The following TTN variants were observed in gnomAD, a reference collection of about 807,000 sequenced individuals.
The protein encoded by TTN is titin.
In TTN, 1,525 loss-of-function variants were observed where a neutral mutation model predicts 3,223.0. That is an observed-to-expected ratio of 0.47 (90% CI 0.45 to 0.49). The LOEUF (loss-of-function observed/expected upper bound fraction) is 0.49. TTN is among the 20% of genes least tolerant of loss of function. The pLI is 0.00. For missense variants in TTN, 40,786 were observed against 43,424.0 expected (o/e 0.94, Z 5.40); for synonymous variants, 14,094 against 15,161.0 (o/e 0.93, Z 5.17).
Position 178,720,402 on chromosome 2 carries a change from C to A in TTN, c.23360G>T (p.Cys7787Phe), listed in dbSNP as rs1332033261. The change falls in exon 80 of 363, where the codon TGC becomes TTC. Residue 7787 changes from cysteine (C) to phenylalanine (F), a missense_variant. Cys to Phe is a radical substitution (Grantham distance 205, BLOSUM62 -2). Coordinates refer to ENST00000589042, the MANE Select transcript of TTN (RefSeq NM_001267550.2). ...ATACAAACCTTTGAACTTGACAGAG[C>A]AAGAACACGTGTCACTTCCCACCTC... is the stretch of plus-strand genomic sequence containing the variant. Reference protein sequence around the residue: ...TNEVGSDTCSCSVKFKEPPRF... With the variant: ...TNEVGSDTCSFSVKFKEPPRF... 1 of 1,612,474 alleles carries A rather than the reference C, an allele frequency of 6.2e-7. No individual in the cohort carries two copies. The highest frequency in any genetic ancestry group is 8.5e-7 in the Non-Finnish European group (1 of 1,179,068).
At chr2:178,750,758 T>C in intron 47 of TTN, 3 of 1,613,072 alleles carry the variant, frequency 1.9e-6, no homozygotes, top group Non-Finnish European at 2.5e-6. Context: ...ACCAAAAGAT[T>C]CGCTGGCATG....
rs1424075362 is a variant in TTN, at chr2:178,624,715, G to C, written c.44565C>G (p.Phe14855Leu). Residue 14855 changes from phenylalanine (F) to leucine (L), a missense_variant, in exon 242 of 363, where the codon TTC (phenylalanine) becomes TTG (leucine). By Grantham distance (22) the Phe-to-Leu change is conservative. Coordinates refer to ENST00000589042, the MANE Select transcript of TTN (RefSeq NM_001267550.2). ...CCGTCTGGTCCTCAAGAGGCTTAGT[G>C]AATTCAACTGGGGGTTCTGAAAGAA... ...NLFVKEPPVEFTKPLEDQTVE... is the reference protein window; with the variant it reads ...NLFVKEPPVELTKPLEDQTVE... 1 of 1,612,224 alleles carries C rather than the reference G, an allele frequency of 6.2e-7. No individual in the cohort carries two copies. The highest frequency in any genetic ancestry group is 8.5e-7 in the Non-Finnish European group (1 of 1,178,922).
chr2:178,628,122 C>T (rs1244433941), intron 240 of TTN, among the ~76,000 whole-genome samples: 1 of 152,046 alleles, frequency 6.6e-6, no homozygotes, highest in African/African-American at 2.4e-5. Flanking sequence ...ATCTGTATAA[C>T]AGGCAGGCGT....
chr2:178,785,755 GAA>G lies in TTN; in HGVS notation c.2371-15_2371-14del. 2 of 1,614,144 alleles carry G rather than the reference GAA, an allele frequency of 1.2e-6. No homozygotes were observed. The highest frequency in any genetic ancestry group is 1.7e-6 in the Non-Finnish European group (2 of 1,180,004). ...TAGTTTTCTTGATCTGCATTGAAATGAAACTCAGTGATACCATTGATCACCAG... is the reference window on the plus strand; with the variant it reads ...TAGTTTTCTTGATCTGCATTGAAATGACTCAGTGATACCATTGATCACCAG... On this transcript the variant is annotated splice_polypyrimidine_tract_variant and intron_variant, in intron 14 of 362. Coordinates refer to ENST00000589042, the MANE Select transcript of TTN (RefSeq NM_001267550.2).
intron 71 of TTN, 175 bp from the exon 72 acceptor site, chr2:178,724,713 T>A (rs939931371): frequency 5.1e-6 from 3 of 593,936 alleles, no homozygotes; most frequent in Admixed American, 4.2e-5. Context: ...AGCTATTTTT[T>A]ATTTTAATAT....
chr2:178,582,948 T>C lies in TTN; in HGVS notation c.65855A>G (p.Lys21952Arg). Residue 21952 changes from lysine (K) to arginine (R), a missense_variant, in exon 313 of 363, where the codon AAA (lysine) becomes AGA (arginine). Coordinates refer to ENST00000589042, the MANE Select transcript of TTN (RefSeq NM_001267550.2). Reference protein sequence around the residue: ...SGSKSATIKLKVLDKPGPPAS... With the variant: ...SGSKSATIKLRVLDKPGPPAS... ...TGAAGTTTATTAGTTACCTAACACT[T>C]TAAGCTTAATGGTGGCTGATTTAGA... is the stretch of plus-strand genomic sequence containing the variant. The C allele has an allele frequency of 6.6e-7, 1 of 1,523,778 alleles. No individual in the cohort carries two copies. Among genetic ancestry groups the C allele is most frequent in the Non-Finnish European group, 8.8e-7 (1 of 1,134,808 alleles). 94.4% of individuals were successfully genotyped at this position (1,523,778 alleles called of 1,614,324 possible). A position where few individuals can be genotyped will look rare whatever the true frequency, so the allele number is the denominator to read the frequency against.
chr2:178,622,607 C>G, intron 243 of TTN, 63 bp downstream of exon 243: 3 of 1,378,298 alleles, frequency 2.2e-6, no homozygotes, highest in Non-Finnish European at 3.0e-6. Flanking sequence ...TCCATTTTGG[C>G]TAGACCAAAA....
intron 242 of TTN, among the ~76,000 whole-genome samples, 197 bp from the exon 243 acceptor site, chr2:178,622,964 AAATT>A (rs2058518284): frequency 6.6e-6 from 1 of 151,892 alleles, no homozygotes; most frequent in African/African-American, 2.4e-5. Flanking sequence ...AGTTTACATA[AAATT>A]ATGTGGCATT....
Position 178,534,604 on chromosome 2 carries a change from A to G in TTN, c.102011T>C (p.Leu34004Pro). The change falls in exon 358 of 363, where the codon CTG becomes CCG. Residue 34004 changes from leucine (L) to proline (P), a missense_variant. Leu to Pro is a moderately conservative substitution (Grantham distance 98, BLOSUM62 -3). Coordinates refer to ENST00000589042, the MANE Select transcript of TTN (RefSeq NM_001267550.2). ...GATACCACTCAATAGCACATATACC[A>G]GTGTTCCAAGTGACCACATGTCTGT... ...TATDMWSLGT[L>P]VYVLLSGINP... 2 of 1,613,820 alleles carry G rather than the reference A, an allele frequency of 1.2e-6. No individual in the cohort carries two copies. Among genetic ancestry groups the G allele is most frequent in the Non-Finnish European group, 1.7e-6 (2 of 1,179,746 alleles).
Position 178,571,174 on chromosome 2 carries a change from C to G in TTN, c.74958G>C (p.Glu24986Asp). The change falls in exon 326 of 363, where the codon GAG (glutamate) becomes GAC (aspartate). Residue 24986 changes from glutamate (E) to aspartate (D), a missense_variant. Transcript: ENST00000589042. ...GVEYEFRVSA[E>D]NIVGIGKPSK... ...TCGGCTTGCCAATGCCCACGATGTTCTCTGCAGAGACTCTAAATTCATATT... is the reference window on the plus strand; with the variant it reads ...TCGGCTTGCCAATGCCCACGATGTTGTCTGCAGAGACTCTAAATTCATATT... The G allele has an allele frequency of 6.2e-7, 1 of 1,613,504 alleles. No individual in the cohort carries two copies. The highest frequency in any genetic ancestry group is 8.5e-7 in the Non-Finnish European group (1 of 1,179,640).
intron 240 of TTN, chr2:178,628,687 T>C (rs1342626775): frequency 6.6e-6 from 1 of 152,126 alleles, no homozygotes; most frequent in Non-Finnish European, 1.5e-5. Flanking sequence ...CATCCACATA[T>C]GTGGATAACC....
chr2:178,597,946 C>G lies in TTN; in HGVS notation c.57224G>C (p.Gly19075Ala), dbSNP rs2154190109. 2 of 1,613,332 alleles carry G rather than the reference C, an allele frequency of 1.2e-6. No homozygotes were observed. The highest frequency in any genetic ancestry group is 2.2e-5 in the East Asian group (1 of 44,738). The change falls in exon 293 of 363, where the codon GGA becomes GCA. Residue 19075 changes from glycine (G) to alanine (A), a missense_variant. Transcript: ENST00000589042. ...AVNIAGIGEP[G>A]EVTDVIEMKD... ...CATTTCAATGACATCTGTGACCTCT[C>G]CAGGTTCTCCAATGCCAGCAATGTT...
In TTN at chr2:178,569,225, T is replaced by C. The variant is rs2154167623; in HGVS notation, c.76907A>G (p.Tyr25636Cys). The C allele has an allele frequency of 6.2e-7, 1 of 1,604,496 alleles. No individual in the cohort carries two copies. The highest frequency in any genetic ancestry group is 8.5e-7 in the Non-Finnish European group (1 of 1,174,810). ...TGTGGCTTCACGTTTCTCAACAATG[T>C]AATTTTTTATTTTGGATCCCCCATC... ...LLDGGSKIKN[Y>C]IVEKREATRK... is the part of the protein sequence containing the mutation. The change falls in exon 326 of 363, where the codon TAC becomes TGC. Residue 25636 changes from tyrosine (Y) to cysteine (C), a missense_variant. By Grantham distance (194) the Tyr-to-Cys change is radical. Transcript: ENST00000589042.
In TTN at chr2:178,526,859, A is replaced by AGAT; in HGVS notation, c.*150_*152dup. 6 of 646,304 alleles carry AGAT rather than the reference A, an allele frequency of 9.3e-6. No individual in the cohort carries two copies. Among genetic ancestry groups the AGAT allele is most frequent in the Non-Finnish European group, 2.5e-6 (1 of 398,476 alleles). The allele number at this position is 646,304 out of a possible 1,614,324, so 40.0% of individuals were successfully genotyped here. A position where few individuals can be genotyped will look rare whatever the true frequency, so the allele number is the denominator to read the frequency against. On this transcript the variant is annotated 3_prime_UTR_variant, in exon 363 of 363. Coordinates refer to ENST00000589042, the MANE Select transcript of TTN (RefSeq NM_001267550.2). ...TATTCTTAGGTCAACAATTATGAAA[A>AGAT]GATTGAAATGAATATTTTTGAACTT...
At chr2:178,803,537 G>A (rs2094167399) in intron 2 of TTN, among the ~76,000 whole-genome samples, 1 of 151,346 alleles carries the variant, frequency 6.6e-6, no homozygotes, top group Non-Finnish European at 1.5e-5. Flanking sequence ...TATGATATTT[G>A]TACAATGTAA....
intron 100 of TTN, 89 bp downstream of exon 100, chr2:178,707,437 C>T (rs942083616): frequency 1.4e-6 from 2 of 1,414,042 alleles, no homozygotes; most frequent in African/African-American, 2.9e-5. Flanking sequence ...TTCTAAAAAT[C>T]TAATTCCATT....
In TTN at chr2:178,624,468, C is replaced by T. The variant is rs367560855; in HGVS notation, c.44812G>A (p.Val14938Met). ...CCTTTGTAAGAAGAATACTTACGCA[C>T]GACATTCAGGTTACAGGAAGTCTTA... is the stretch of plus-strand genomic sequence containing the variant. ...DFKTSCNLNV[V>M]PPHVEFLRPL... Residue 14938 changes from valine to methionine, a missense_variant, in exon 242 of 363, where the codon GTG becomes ATG. Val to Met is a conservative substitution (Grantham distance 21, BLOSUM62 1). Transcript: ENST00000589042. 24 of 1,612,034 alleles carry T rather than the reference C, an allele frequency of 1.5e-5. No homozygotes were observed. Among genetic ancestry groups the T allele is most frequent in the South Asian group, 3.3e-5 (3 of 90,974 alleles).
chr2:178,679,015 G>T (rs1019176555), intron 142 of TTN, among the ~76,000 whole-genome samples, 185 bp from the exon 143 acceptor site: 1 of 151,764 alleles, frequency 6.6e-6, no homozygotes, highest in Non-Finnish European at 1.5e-5. Flanking sequence ...AAAAAACACC[G>T]AAAAAAACGT....
Position 178,735,830 on chromosome 2 carries a change from C to T in TTN, c.14616G>A (p.Lys4872=), listed in dbSNP as rs771719584. The T allele has an allele frequency of 1.9e-5, 30 of 1,613,636 alleles. No homozygotes were observed. The South Asian group carries it at 3.3e-4, about 18-fold the overall frequency. ...CTGCTTGGCAGATGTCTGCTCCAAA[C>T]TTGTTGGAAGCCTTACAAGAATAAA... ...RGVYSCKASN[K]FGADICQAEL... is the part of the protein sequence containing the mutation. Residue 4872 remains lysine, a synonymous_variant, in exon 50 of 363, where the codon AAG becomes AAA. Coordinates refer to ENST00000589042, the MANE Select transcript of TTN (RefSeq NM_001267550.2).
Sources: gnomAD v4.1 joint callset for allele counts (sites outside exome capture counted in the v4.1 genomes callset) on GRCh38, gnomAD v4.1.1 for gene constraint, MANE v1.5 for transcripts, NCBI Gene and HGNC (gene_info 2026-07-23, HGNC 2026-07-21) for gene names.